TAF4: variants seen among roughly 807,000 people sequenced by gnomAD.
The protein encoded by TAF4 is TATA-box binding protein associated factor 4, also known as transcription initiation factor TFIID subunit 4.
In TAF4, 9 loss-of-function variants were observed where a neutral mutation model predicts 90.3. That is an observed-to-expected ratio of 0.10 (90% confidence interval 0.06 to 0.17). The LOEUF is 0.17. Ranked by LOEUF, TAF4 falls within the 10% of genes least tolerant of loss-of-function variation. TAF4 has a pLI of 1.00. For missense variants in TAF4, 1,351 were observed against 1,370.7 expected, an observed-to-expected ratio of 0.99 and a Z score of 0.23; for synonymous variants, 818 against 638.9, an observed-to-expected ratio of 1.28 and a Z score of -4.23.
At chr20:62,005,740 A>G (rs1475153420) in intron 7 of TAF4, 1 of 152,270 alleles carries the variant, frequency 6.6e-6, no homozygotes, top group East Asian at 1.9e-4. Context: ...ACAGAGCACA[A>G]GAGCCAGCCC....
rs751316845 is a variant in TAF4 at position 62,007,424 on chromosome 20, T to G, written c.1974+123A>C. Reference sequence around the variant, plus strand: ...CACTGAGTCCCCGGCCCCACCCCCGTAGGCAGCACAAGCGCTGTGCACCCT... The same window carrying G: ...CACTGAGTCCCCGGCCCCACCCCCGGAGGCAGCACAAGCGCTGTGCACCCT... On this transcript the variant is annotated intron_variant, in intron 6 of 14. Transcript: ENST00000252996. The G allele has an allele frequency of 1.7e-4, 151 of 872,992 alleles. 1 individual carries two copies. Among genetic ancestry groups the G allele is most frequent in the Non-Finnish European group, 2.7e-4 (151 of 556,146 alleles). 54.1% of individuals were successfully genotyped at this position (872,992 alleles called of 1,614,324 possible).
At chr20:62,007,166 T>C (rs1315047975) in intron 6 of TAF4, among the ~76,000 whole-genome samples, 1 of 152,200 alleles carries the variant, frequency 6.6e-6, no homozygotes, top group Non-Finnish European at 1.5e-5. Context: ...TGTACAAATA[T>C]ACGTATTGAT....
intron 1 of TAF4, among the ~76,000 whole-genome samples, chr20:62,017,009 G>A (rs1265059309): frequency 6.6e-6 from 1 of 152,042 alleles, no homozygotes; most frequent in Non-Finnish European, 1.5e-5. Context: ...CAGGCGTGGT[G>A]GCACACCTGT....
chr20:61,986,056 A>C (rs112696379), intron 14 of TAF4, among the ~76,000 whole-genome samples: 2 of 120,318 alleles, frequency 1.7e-5, no homozygotes, highest in Admixed American at 8.1e-5. Flanking sequence ...ATCAAAGGAA[A>C]CACCATCCCC....
chr20:62,038,792 C>T (rs1024067442), intron 1 of TAF4, among the ~76,000 whole-genome samples: 2 of 152,204 alleles, frequency 1.3e-5, no homozygotes, highest in Admixed American at 1.3e-4. Flanking sequence ...GTGGCTCACA[C>T]CTGTAATCCC....
chr20:62,050,389 C>T (rs1302648180), intron 1 of TAF4, among the ~76,000 whole-genome samples: 2 of 152,254 alleles, frequency 1.3e-5, no homozygotes, highest in South Asian at 2.1e-4. Context: ...GCACCTCTGC[C>T]CCATAGGAGG....
Position 62,003,875 on chromosome 20 carries a change from T to C in TAF4, c.2227A>G (p.Ile743Val). 1 of 1,569,782 alleles carries C rather than the reference T, an allele frequency of 6.4e-7. No homozygotes were observed. Among genetic ancestry groups the C allele is most frequent in the Middle Eastern group, 2.3e-4 (1 of 4,358 alleles). ...GCTCCTGGCTTCGGAGGCTGCTGGATGACCTGAGGCAGAGCCAGCAGAGAA... is the reference window on the plus strand; with the variant it reads ...GCTCCTGGCTTCGGAGGCTGCTGGACGACCTGAGGCAGAGCCAGCAGAGAA... The part of the protein sequence containing the change: ...GKQGQPTPLV[I>V]QQPPKPGALI... The change falls in exon 8 of 15, where the codon ATC becomes GTC. Residue 743 changes from isoleucine to valine, a missense_variant. Coordinates refer to ENST00000252996, the MANE Select transcript of TAF4 (RefSeq NM_003185.4).
chr20:62,009,932 A>G, intron 4 of TAF4, 114 bp downstream of exon 4: 3 of 1,521,250 alleles, frequency 2.0e-6, no homozygotes, highest in East Asian at 4.6e-5. Context: ...TGCTTTGTGA[A>G]GCAAGCAGTG....
rs201085707 is a variant in TAF4 at position 62,009,998 on chromosome 20, G to A, written c.1761+48C>T. On this transcript the variant is annotated intron_variant, in intron 4 of 14. Coordinates refer to ENST00000252996, the MANE Select transcript of TAF4 (RefSeq NM_003185.4). Reference sequence around the variant, plus strand: ...CTCAAGGCTGCATTTTCTGACCTGCGCCACGGGCCTGACCGTCTTTGAAGG... The same window carrying A: ...CTCAAGGCTGCATTTTCTGACCTGCACCACGGGCCTGACCGTCTTTGAAGG... 3.2e-4 allele frequency: 507 copies of A among 1,607,300 alleles called. 10 individuals carry two copies. The highest frequency in any genetic ancestry group is 2.0e-3 in the Middle Eastern group (12 of 6,056).
At chr20:62,004,659 G>A (rs1358181094) in intron 7 of TAF4, 2 of 152,162 alleles carry the variant, frequency 1.3e-5, no homozygotes, top group Non-Finnish European at 2.9e-5. Flanking sequence ...GCGGCTGAGG[G>A]CTTTTCTACT....
chr20:62,006,857 G>C lies in TAF4; in HGVS notation c.1975-99C>G, dbSNP rs1318663880. The C allele has an allele frequency of 1.4e-6, 2 of 1,403,176 alleles. No individual in the cohort carries two copies. The highest frequency in any genetic ancestry group is 2.8e-5 in the Admixed American group (1 of 35,994). The allele number at this position is 1,403,176 out of a possible 1,614,324, so 86.9% of individuals were successfully genotyped here. A position where few individuals can be genotyped will look rare whatever the true frequency, so the allele number is the denominator to read the frequency against. On this transcript the variant is annotated intron_variant, in intron 6 of 14. Coordinates refer to ENST00000252996, the MANE Select transcript of TAF4 (RefSeq NM_003185.4). The surrounding 1 kb of genome is among the most constrained non-coding windows in gnomAD (Gnocchi z 7.0). ...ATATCAACTTTTACAGAAAGCTTTT[G>C]AGCTAAGTAAGATGGATCTTGGCCC... is the stretch of plus-strand genomic sequence containing the variant.
chr20:62,054,516 C>T (rs1238199506), intron 1 of TAF4, among the ~76,000 whole-genome samples: 1 of 152,180 alleles, frequency 6.6e-6, no homozygotes, highest in African/African-American at 2.4e-5. Flanking sequence ...GCTACTCCAC[C>T]ACATAAGGCT....
At chr20:61,993,513 T>C (rs2055644844) in intron 14 of TAF4, among the ~76,000 whole-genome samples, 1 of 152,152 alleles carries the variant, frequency 6.6e-6, no homozygotes, top group Non-Finnish European at 1.5e-5. Flanking sequence ...CTACAGATTT[T>C]TAAAAATGTT....
intron 14 of TAF4, among the ~76,000 whole-genome samples, chr20:61,994,041 C>T (rs1261999661): frequency 1.3e-5 from 2 of 151,740 alleles, no homozygotes; most frequent in Non-Finnish European, 2.9e-5. Flanking sequence ...TTCTAGTTCT[C>T]GAACTGATGA....
chr20:62,000,583 T>G lies in TAF4; in HGVS notation c.2625A>C (p.Gln875His). 1.2e-6 allele frequency: 2 copies of G among 1,614,150 alleles called. No homozygotes were observed. The highest frequency in any genetic ancestry group is 1.7e-6 in the Non-Finnish European group (2 of 1,179,954). The change falls in exon 10 of 15, where the codon CAA becomes CAC. Residue 875 changes from glutamine (Q) to histidine (H), a missense_variant. Around this residue, in one of 9 missense-constraint regions of TAF4, gnomAD observed 95 missense variants for 151.3 expected, o/e 0.63. Coordinates refer to ENST00000252996, the MANE Select transcript of TAF4 (RefSeq NM_003185.4). ...RSCKDETFLLQAPLQRRILEI... is the reference protein window; with the variant it reads ...RSCKDETFLLHAPLQRRILEI... Reference sequence around the variant, plus strand: ...CTAATATTCTTCTCTGCAAAGGCGCTTGGAGGAGGAAGGTTTCATCTTTAC... The same window carrying G: ...CTAATATTCTTCTCTGCAAAGGCGCGTGGAGGAGGAAGGTTTCATCTTTAC...
chr20:61,975,994 TTCTC>T lies in TAF4; in HGVS notation c.*170_*173del, dbSNP rs1489121794. The T allele has an allele frequency of 5.9e-6, 4 of 673,510 alleles. No homozygotes were observed. The highest frequency in any genetic ancestry group is 4.0e-5 in the South Asian group (2 of 49,952). 41.7% of individuals were successfully genotyped at this position (673,510 alleles called of 1,614,324 possible). ...TTAAGAGTATCCACAGGCCTTTGTG[TTCTC>T]TCTGTTACAGAAACGTGTTTTCTTT... On this transcript the variant is annotated 3_prime_UTR_variant, in exon 15 of 15. Coordinates refer to ENST00000252996, the MANE Select transcript of TAF4 (RefSeq NM_003185.4).
rs1441080528 is a variant in TAF4 at position 62,010,688 on chromosome 20, A to G, written c.1642-523T>C. Among the ~76,000 whole-genome samples, 1 of 152,090 alleles carries G rather than the reference A, an allele frequency of 6.6e-6. No homozygotes were observed. The highest frequency in any genetic ancestry group is 2.4e-5 in the African/African-American group (1 of 41,438). The stretch of plus-strand genomic sequence containing the variant: ...CAAACCCACCTTTCTTTACTCCCCA[A>G]AAGTGAGTGTCAACAAGAAGCCTCC... On this transcript the variant is annotated intron_variant, in intron 3 of 14. Coordinates refer to ENST00000252996, the MANE Select transcript of TAF4 (RefSeq NM_003185.4). The surrounding 1 kb of genome is among the most constrained non-coding windows in gnomAD (Gnocchi z 4.5).
intron 1 of TAF4, among the ~76,000 whole-genome samples, chr20:62,036,392 G>A (rs1054932427): frequency 2.0e-5 from 3 of 152,170 alleles, no homozygotes; most frequent in Admixed American, 1.3e-4. Context: ...CAGATTCGAG[G>A]AATTGAAAAG....
intron 6 of TAF4, 150 bp downstream of exon 6, chr20:62,007,397 G>A: frequency 1.5e-6 from 1 of 670,606 alleles, no homozygotes; most frequent in Non-Finnish European, 2.5e-6. Context: ...TCTGTCCCCA[G>A]GCACTGAGTC....
Sources: gnomAD v4.1 joint callset for allele counts (sites outside exome capture counted in the v4.1 genomes callset) on GRCh38, gnomAD v4.1.1 for gene constraint, gnomAD v4.1.1 regional missense constraint, Gnocchi (gnomAD v3.1) non-coding constraint, MANE v1.5 for transcripts, NCBI Gene and HGNC (gene_info 2026-07-23, HGNC 2026-07-21) for gene names.